Variants in RBFOX2 observed in about 807,000 individuals in gnomAD.
The protein encoded by RBFOX2 is RNA binding protein fox-1 homolog 2.
RBFOX2 carries 10 observed loss-of-function variants against 49.1 expected under a neutral mutation model. That is an observed-to-expected ratio of 0.20 (90% CI 0.13 to 0.35). The LOEUF (loss-of-function observed/expected upper bound fraction) is 0.35, where lower values mean the gene tolerates loss of function less well. Among genes scored for constraint, RBFOX2 ranks in the 10% least tolerant of loss-of-function variants. The pLI is 1.00. For missense variants in RBFOX2, 323 were observed against 486.9 expected (o/e 0.66, Z 3.17); for synonymous variants, 183 against 187.4 (o/e 0.98, Z 0.19).
At chr22:36,028,594 G>T (rs1488742022) in exon 1 of RBFOX2, among the ~76,000 whole-genome samples, 2 of 148,398 alleles carry the variant, frequency 1.3e-5, no homozygotes, top group African/African-American at 4.9e-5. Context: ...CCTCGCGGCC[G>T]CCGCTCCTTG....
rs1259422253 is a variant in RBFOX2 at position 35,977,761 on chromosome 22, T to TATATATATATATAC, written c.187-38865_187-38864insGTATATATATATAT. On this transcript the variant is annotated intron_variant, in intron 1 of 13. Coordinates refer to the RBFOX2 transcript ENST00000438146. ...ATATATATATATATATATATATATATACATGCACACACACACATATACATA... is the reference window on the plus strand; with the variant it reads ...ATATATATATATATATATATATATATATATATATATATACACATGCACACACACACATATACATA... Among the ~76,000 whole-genome samples, 42 of 90,922 alleles carry TATATATATATATAC rather than the reference T, an allele frequency of 4.6e-4. 1 individual carries two copies. The highest frequency in any genetic ancestry group is 7.1e-4 in the East Asian group (2 of 2,808). 59.6% of individuals were successfully genotyped at this position (90,922 alleles called of 152,430 possible). A position where few individuals can be genotyped will look rare whatever the true frequency, so the allele number is the denominator to read the frequency against.
intron 1 of RBFOX2, among the ~76,000 whole-genome samples, chr22:35,877,264 T>C (rs2045250338): frequency 6.6e-6 from 1 of 151,768 alleles, no homozygotes; most frequent in East Asian, 1.9e-4. Flanking sequence ...AATAAGTACT[T>C]GCTAAAAGGA....
At chr22:35,796,124 C>A (rs1463492290) in intron 2 of RBFOX2, among the ~76,000 whole-genome samples, 1 of 152,152 alleles carries the variant, frequency 6.6e-6, no homozygotes, top group Non-Finnish European at 1.5e-5. Context: ...CAGGTATGAT[C>A]CACTGTGCCT....
In RBFOX2 at chr22:35,810,018, C is replaced by T. The variant is rs1047448488; in HGVS notation, c.28-14G>A. ...CTCCTGGTTACCCTAAAACAAACAA[C>T]AAGAGAAAGAAAAAGTGACTTTGAA... On this transcript the variant is annotated splice_polypyrimidine_tract_variant and intron_variant, in intron 1 of 11. Coordinates refer to ENST00000405409, the Ensembl canonical transcript of RBFOX2. 3 of 1,610,764 alleles carry T rather than the reference C, an allele frequency of 1.9e-6. No individual in the cohort carries two copies. Among genetic ancestry groups the T allele is most frequent in the Admixed American group, 3.4e-5 (2 of 59,404 alleles).
Position 35,786,043 on chromosome 22 carries a change from A to G in RBFOX2, c.253-4297T>C, listed in dbSNP as rs557631767. On this transcript the variant is annotated intron_variant, in intron 2 of 11. Coordinates refer to ENST00000405409, the Ensembl canonical transcript of RBFOX2. ...GATCTGGTCTGCAAGATGACAATGT[A>G]TCACTCTGAGGAAAGTTAAAAAGAC... Among the ~76,000 whole-genome samples the G allele has an allele frequency of 8.5e-5, 13 of 152,356 alleles. No individual in the cohort carries two copies. In the South Asian group the frequency reaches 2.5e-3, roughly 29 times the overall value.
chr22:35,791,090 A>G (rs1451525187), intron 2 of RBFOX2, among the ~76,000 whole-genome samples: 1 of 152,152 alleles, frequency 6.6e-6, no homozygotes, highest in Non-Finnish European at 1.5e-5. Context: ...AAGTTTTAAA[A>G]AAGAAAAAAG....
chr22:35,806,643 GAAGGAACA>G (rs1023948689), intron 2 of RBFOX2, among the ~76,000 whole-genome samples: 3 of 152,148 alleles, frequency 2.0e-5, no homozygotes, highest in African/African-American at 7.2e-5. Context: ...AATCAGTAAA[GAAGGAACA>G]AAGGAACAAT....
At chr22:35,850,193 T>TACACACAC (rs58692076) in intron 1 of RBFOX2, among the ~76,000 whole-genome samples, 14,358 of 132,342 alleles carry the variant, frequency 0.11, 915 homozygotes, top group African/African-American at 0.12. Flanking sequence ...CTCTCTCTCA[T>TACACACAC]ACACACACAC....
chr22:35,761,301 G>C lies in RBFOX2; in HGVS notation c.662-7C>G. On this transcript the variant is annotated splice_region_variant and splice_polypyrimidine_tract_variant and intron_variant, in intron 7 of 11. Coordinates refer to ENST00000405409, the Ensembl canonical transcript of RBFOX2. Reference sequence around the variant, plus strand: ...TCTGCTTGAAAGCTGGATGCTGATTGGATTTTTAAAAAATTTAAAAATGCA... The same window carrying C: ...TCTGCTTGAAAGCTGGATGCTGATTCGATTTTTAAAAAATTTAAAAATGCA... 2 of 1,613,910 alleles carry C rather than the reference G, an allele frequency of 1.2e-6. No individual in the cohort carries two copies. Among genetic ancestry groups the C allele is most frequent in the Non-Finnish European group, 1.7e-6 (2 of 1,179,918 alleles).
chr22:35,794,969 T>C (rs1948495309), intron 2 of RBFOX2, among the ~76,000 whole-genome samples: 5 of 152,150 alleles, frequency 3.3e-5, no homozygotes, highest in Admixed American at 3.3e-4. Context: ...AATATTAACA[T>C]GTGCTGAAAG....
At chr22:35,951,390 C>G (rs941343291) in intron 1 of RBFOX2, among the ~76,000 whole-genome samples, 9 of 151,772 alleles carry the variant, frequency 5.9e-5, no homozygotes, top group Admixed American at 5.9e-4. Flanking sequence ...GGATTACAGG[C>G]ATGTGCCACC....
At chr22:35,933,258 C>T (rs1351871060) in intron 1 of RBFOX2, among the ~76,000 whole-genome samples, 1 of 152,158 alleles carries the variant, frequency 6.6e-6, no homozygotes, top group Non-Finnish European at 1.5e-5. Flanking sequence ...AAAGCCCAAG[C>T]CACCTAGCTG....
intron 1 of RBFOX2, among the ~76,000 whole-genome samples, chr22:35,974,886 C>G (rs1356223744): frequency 6.6e-6 from 1 of 152,102 alleles, no homozygotes; most frequent in Non-Finnish European, 1.5e-5. Flanking sequence ...TGCCTCTTCC[C>G]TTTTCTCTGA....
intron 1 of RBFOX2, chr22:35,898,043 C>T: frequency 2.7e-6 from 2 of 727,762 alleles, no homozygotes; most frequent in Non-Finnish European, 5.1e-6. Context: ...TTGCTGTGTT[C>T]CACTACTCGT....
chr22:35,922,013 A>C (rs1008998902), intron 1 of RBFOX2, among the ~76,000 whole-genome samples: 2 of 152,020 alleles, frequency 1.3e-5, no homozygotes, highest in African/African-American at 4.8e-5. Context: ...CCAGTTAGAA[A>C]ATTTTCCTAA....
chr22:35,840,228 G>A (rs368990019), exon 1 of RBFOX2: 37 of 1,613,906 alleles, frequency 2.3e-5, no homozygotes, highest in African/African-American at 1.7e-4. Context: ...TAAACCAAAC[G>A]GATAGATGAT....
intron 6 of RBFOX2, among the ~76,000 whole-genome samples, chr22:35,763,608 A>G (rs1410346781): frequency 6.6e-6 from 1 of 152,230 alleles, no homozygotes; most frequent in Non-Finnish European, 1.5e-5. Context: ...ACATGTTGTT[A>G]GTAATACTTT....
intron 1 of RBFOX2, among the ~76,000 whole-genome samples, chr22:35,814,495 G>T (rs1952565068): frequency 6.6e-6 from 1 of 151,854 alleles, no homozygotes. Flanking sequence ...GATCACTTGA[G>T]CCCAGGAGTT....
At chr22:36,008,206 T>C (rs2146332179) in intron 1 of RBFOX2, among the ~76,000 whole-genome samples, 1 of 152,338 alleles carries the variant, frequency 6.6e-6, no homozygotes, top group African/African-American at 2.4e-5. Context: ...TTTATTCTAA[T>C]TTTATAGTTG....
Sources: allele counts gnomAD v4.1 joint callset (sites outside exome capture counted in the v4.1 genomes callset), GRCh38; gene constraint gnomAD v4.1.1; transcripts MANE v1.5; gene names NCBI Gene and HGNC (gene_info 2026-07-23, HGNC 2026-07-21).